EARS2: variants seen among roughly 807,000 people sequenced by gnomAD.
EARS2 encodes the protein nondiscriminating glutamyl-tRNA synthetase EARS2, mitochondrial.
EARS2 carries 50 observed loss-of-function variants against 54.1 expected under a neutral mutation model. The observed-to-expected ratio is 0.92, with a 90% CI of 0.74 to 1.17. The LOEUF (loss-of-function observed/expected upper bound fraction) is 1.17, where lower values mean the gene tolerates loss of function less well. EARS2 is among the 50% of genes most tolerant of loss of function. The pLI is 0.00. For synonymous variants in EARS2, 298 were observed against 281.0 expected (o/e 1.06, Z -0.61); for missense variants, 673 against 675.0 (o/e 1.00, Z 0.03).
chr16:23,547,121 C>T (rs1206588101), intron 2 of EARS2, among the ~76,000 whole-genome samples: 3 of 152,162 alleles, frequency 2.0e-5, no homozygotes, highest in Non-Finnish European at 4.4e-5. Flanking sequence ...AACTAAAATG[C>T]TCATTCACTA....
intron 3 of EARS2, among the ~76,000 whole-genome samples, chr16:23,543,501 A>C: frequency 6.6e-6 from 1 of 151,940 alleles, no homozygotes; most frequent in Non-Finnish European, 1.5e-5. Flanking sequence ...TAATCCTAAC[A>C]CTTTGGGAAT....
chr16:23,554,114 A>G (rs1018590448), intron 1 of EARS2, among the ~76,000 whole-genome samples: 7 of 151,868 alleles, frequency 4.6e-5, no homozygotes, highest in Non-Finnish European at 1.0e-4. Flanking sequence ...GGCTCAATCA[A>G]TCCTCCCACG....
At position 23,547,102 on chromosome 16, in the gene EARS2, A is replaced by C. The variant is rs776987559; in HGVS notation, c.296-2399T>G. Among the ~76,000 whole-genome samples, 32 of 152,246 alleles carry C rather than the reference A, an allele frequency of 2.1e-4. 1 individual carries two copies. Among genetic ancestry groups the C allele is most frequent in the African/African-American group, 2.2e-4 (9 of 41,464 alleles). ...CATAGAGTTTTATTGGACAGCCAAA[A>C]ACCAGAGTAACTAAAATGCTCATTC... On this transcript the variant is annotated intron_variant, in intron 2 of 8. Transcript: ENST00000449606.
chr16:23,542,861 T>A (rs946522594), intron 3 of EARS2, among the ~76,000 whole-genome samples: 1 of 150,312 alleles, frequency 6.7e-6, no homozygotes, highest in Non-Finnish European at 1.5e-5. Flanking sequence ...ACGCCTGTAA[T>A]CCCAGCACTT....
At chr16:23,535,476 C>T (rs1965402694) in intron 3 of EARS2, 116 bp from the exon 4 acceptor site, 3 of 896,094 alleles carry the variant, frequency 3.3e-6, no homozygotes, top group South Asian at 3.2e-5. Context: ...CAAGCTGCTT[C>T]CTCAGTCTAT....
At chr16:23,553,042 A>C (rs986796706) in intron 1 of EARS2, 1 of 397,528 alleles carries the variant, frequency 2.5e-6, no homozygotes, top group Non-Finnish European at 5.1e-6. Flanking sequence ...TGGGAGGATC[A>C]CCTGAGCCTG....
intron 7 of EARS2, 147 bp from the exon 8 acceptor site, chr16:23,525,526 GACC>G: frequency 1.1e-6 from 1 of 938,864 alleles, no homozygotes; most frequent in Non-Finnish European, 1.6e-6. Flanking sequence ...GGAAGATATT[GACC>G]ACTTTCTCCC....
rs1402231512 is a variant in EARS2, at chr16:23,523,035, G to A, written c.*1336C>T. ...TCAAAGAAAACAAGACAGAAGCCAC[G>A]ATGTATTTTATGACTTACCCTCAGA... On this transcript the variant is annotated 3_prime_UTR_variant, in exon 9 of 9. Transcript: ENST00000449606. 2.0e-5 allele frequency: 3 copies of A among 152,248 alleles called. No individual in the cohort carries two copies. Among genetic ancestry groups the A allele is most frequent in the Non-Finnish European group, 2.9e-5 (2 of 68,066 alleles). 9.4% of individuals were successfully genotyped at this position (152,248 alleles called of 1,614,324 possible). A position where few individuals can be genotyped will look rare whatever the true frequency, so the allele number is the denominator to read the frequency against.
chr16:23,550,164 C>A (rs1965669972), intron 2 of EARS2, among the ~76,000 whole-genome samples: 1 of 152,050 alleles, frequency 6.6e-6, no homozygotes, highest in African/African-American at 2.4e-5. Context: ...GGTTCAACAG[C>A]AGCCTGGGCA....
In EARS2 at chr16:23,529,505, A is replaced by C. The variant is rs1254399517; in HGVS notation, c.1349T>G (p.Leu450Arg). 1 of 1,613,666 alleles carries C rather than the reference A, an allele frequency of 6.2e-7. No homozygotes were observed. Among genetic ancestry groups the C allele is most frequent in the Admixed American group, 1.7e-5 (1 of 59,976 alleles). Residue 450 changes from leucine to arginine, a missense_variant, in exon 7 of 9, where the codon CTG becomes CGG. Coordinates refer to ENST00000449606, the MANE Select transcript of EARS2 (RefSeq NM_001083614.2). ...EKVDVIAKRV[L>R]GLLERSSMSL... ...AGCTCAGCCTGCGGGTACTCACCCC[A>C]GCACACGCTTGGCAATCACATCCAC...
intron 3 of EARS2, 53 bp from the exon 4 acceptor site, chr16:23,535,413 G>C: frequency 6.6e-7 from 1 of 1,524,100 alleles, no homozygotes; most frequent in Non-Finnish European, 8.9e-7. Flanking sequence ...TTGATGGACA[G>C]GAGTCCTACC....
chr16:23,538,953 C>G (rs1965468687), intron 3 of EARS2, among the ~76,000 whole-genome samples: 1 of 149,404 alleles, frequency 6.7e-6, no homozygotes. Flanking sequence ...AATACATTCT[C>G]AACAGTTATG....
chr16:23,550,070 G>A (rs1965668490), intron 2 of EARS2, among the ~76,000 whole-genome samples: 1 of 152,122 alleles, frequency 6.6e-6, no homozygotes, highest in Non-Finnish European at 1.5e-5. Context: ...TATGAAGAAT[G>A]AATTAGGAGC....
chr16:23,552,098 C>T, intron 2 of EARS2, 51 bp downstream of exon 2: 4 of 1,589,726 alleles, frequency 2.5e-6, no homozygotes, highest in African/African-American at 1.3e-5. Flanking sequence ...GGCTCCTTTT[C>T]CTGCTTCCTG....
At position 23,534,887 on chromosome 16, in the gene EARS2, CCTGCAA is replaced by C; in HGVS notation, c.953_958del (p.Phe318_Glu320delinsTer). On this transcript the variant is annotated stop_gained and inframe_deletion and splice_region_variant, in exon 4 of 9. Transcript: ENST00000449606. LOFTEE classifies it high-confidence loss of function. ...CCAGGACTATTCAGGTGGGCACGTA[CCTGCAA>C]AACCTGAGCCACAGTTGGTGATGAT... 1 of 1,566,202 alleles carries C rather than the reference CCTGCAA, an allele frequency of 6.4e-7. No individual in the cohort carries two copies. Among genetic ancestry groups the C allele is most frequent in the South Asian group, 1.2e-5 (1 of 82,412 alleles).
chr16:23,540,194 T>C (rs1387995563), intron 3 of EARS2, among the ~76,000 whole-genome samples: 4 of 152,058 alleles, frequency 2.6e-5, no homozygotes, highest in Admixed American at 2.0e-4. Flanking sequence ...TGGTGGTACA[T>C]GGCTGTGGTC....
intron 2 of EARS2, among the ~76,000 whole-genome samples, chr16:23,546,048 T>C (rs1371191133): frequency 6.6e-6 from 1 of 152,208 alleles, no homozygotes; most frequent in Non-Finnish European, 1.5e-5. Context: ...CAGCCTCCTG[T>C]GCAGAGGGAA....
rs1045696625 is a variant in EARS2 at position 23,524,135 on chromosome 16, C to T, written c.*236G>A. 3.8e-5 allele frequency: 22 copies of T among 572,464 alleles called. No individual in the cohort carries two copies. Among genetic ancestry groups the T allele is most frequent in the African/African-American group, 3.8e-5 (2 of 53,154 alleles). The allele number at this position is 572,464 out of a possible 1,614,324, so 35.5% of individuals were successfully genotyped here. A position where few individuals can be genotyped will look rare whatever the true frequency, so the allele number is the denominator to read the frequency against. ...TGTGTAATGTGTGAGAAACCAGACC[C>T]GGAGAATGCCTTTCCAGAGTCCAGG... On this transcript the variant is annotated 3_prime_UTR_variant, in exon 9 of 9. Transcript: ENST00000449606.
At chr16:23,548,562 G>A (rs909718177) in intron 2 of EARS2, among the ~76,000 whole-genome samples, 4 of 152,086 alleles carry the variant, frequency 2.6e-5, no homozygotes, top group African/African-American at 2.4e-5. Context: ...GGTCTGTGAG[G>A]CACCATGTAA....
Sources: gnomAD v4.1 joint callset for allele counts (sites outside exome capture counted in the v4.1 genomes callset) on GRCh38, gnomAD v4.1.1 for gene constraint, MANE v1.5 for transcripts, NCBI Gene and HGNC (gene_info 2026-07-23, HGNC 2026-07-21) for gene names.